VPS39: variants seen among roughly 807,000 people sequenced by gnomAD.
VPS39 encodes the protein VPS39 subunit of HOPS complex, also known as vam6/Vps39-like protein.
Under a neutral mutation model 121.0 loss-of-function variants are expected in VPS39, and 70 were observed. The ratio of observed to expected loss-of-function variants is 0.58; its 90% CI spans 0.48 to 0.71. VPS39 has a LOEUF of 0.71. Among genes scored for constraint, VPS39 ranks in the 30% least tolerant of loss-of-function variants. The pLI, the probability that VPS39 is intolerant of heterozygous loss-of-function variation, is 0.00. For synonymous variants in VPS39, 378 were observed against 398.1 expected (o/e 0.95, Z 0.60); for missense variants, 818 against 1,051.5 (o/e 0.78, Z 3.07).
chr15:42,187,224 C>A, intron 7 of VPS39, 47 bp downstream of exon 7: 1 of 1,487,922 alleles, frequency 6.7e-7, no homozygotes, highest in African/African-American at 1.4e-5. Context: ...AGATAATCAT[C>A]TTCCCCAAGA....
chr15:42,187,381 G>C lies in VPS39; in HGVS notation c.442-18C>G, dbSNP rs1290507008. On this transcript the variant is annotated intron_variant, in intron 6 of 24. Coordinates refer to ENST00000318006, the MANE Select transcript of VPS39 (RefSeq NM_015289.5). ...AAGTCCCCCTGAAAAAAGAGAGCAA[G>C]GATCTGAATGAAATAAATATTTTTT... 2 of 1,573,920 alleles carry C rather than the reference G, an allele frequency of 1.3e-6. No homozygotes were observed. The highest frequency in any genetic ancestry group is 2.8e-5 in the African/African-American group (2 of 72,488).
chr15:42,192,665 T>C (rs879906820), intron 2 of VPS39, among the ~76,000 whole-genome samples: 2 of 152,160 alleles, frequency 1.3e-5, no homozygotes, highest in Non-Finnish European at 2.9e-5. Flanking sequence ...GAGTGTGCCC[T>C]GGTATTCTGC....
At chr15:42,177,112 A>G (rs1250440308) in intron 10 of VPS39, among the ~76,000 whole-genome samples, 2 of 149,564 alleles carry the variant, frequency 1.3e-5, no homozygotes, top group Non-Finnish European at 3.0e-5. Context: ...GCAGTGAGCC[A>G]AGACTGCATC....
At chr15:42,199,841 T>C in intron 2 of VPS39, 55 bp downstream of exon 2, 1 of 1,529,100 alleles carries the variant, frequency 6.5e-7, no homozygotes, top group Non-Finnish European at 8.8e-7. Context: ...ATTTCACAGT[T>C]GTATACTAGC....
At chr15:42,173,692 T>C in intron 11 of VPS39, 31 bp downstream of exon 11, 5 of 1,607,072 alleles carry the variant, frequency 3.1e-6, no homozygotes, top group Non-Finnish European at 4.3e-6. Flanking sequence ...CCTCCATTAG[T>C]CCCTTATATA....
intron 2 of VPS39, among the ~76,000 whole-genome samples, chr15:42,197,075 C>T (rs2049955889): frequency 6.8e-6 from 1 of 146,696 alleles, no homozygotes; most frequent in African/African-American, 2.5e-5. Flanking sequence ...ATTGCAAGGA[C>T]AAAAAAACCA....
chr15:42,184,702 TA>T lies in VPS39; in HGVS notation c.535-3del. 6.2e-7 allele frequency: 1 copy of T among 1,607,768 alleles called. No homozygotes were observed. On this transcript the variant is annotated splice_region_variant and splice_polypyrimidine_tract_variant and intron_variant, in intron 7 of 24. Transcript: ENST00000318006. ...TTTGATGGACCCCTTTCCATCCACC[TA>T]TAGGAAGAAACAGAGTGAGTCACCT...
At chr15:42,205,489 G>GTGCT (rs1484680799) in intron 1 of VPS39, among the ~76,000 whole-genome samples, 1 of 152,226 alleles carries the variant, frequency 6.6e-6, no homozygotes, top group African/African-American at 2.4e-5. Flanking sequence ...AGGTGGGTAT[G>GTGCT]TGCTTTGTGC....
At chr15:42,166,449 T>C in intron 15 of VPS39, 114 bp downstream of exon 15, 1 of 1,271,250 alleles carries the variant, frequency 7.9e-7, no homozygotes, top group Non-Finnish European at 1.1e-6. Context: ...GGAATGAAAT[T>C]GAGTGAACAC....
Position 42,199,968 on chromosome 15 carries a change from A to G in VPS39, c.74-7T>C. The G allele has an allele frequency of 6.4e-7, 1 of 1,556,918 alleles. No individual in the cohort carries two copies. On this transcript the variant is annotated splice_polypyrimidine_tract_variant and splice_region_variant and intron_variant, in intron 1 of 24. Coordinates refer to ENST00000318006, the MANE Select transcript of VPS39 (RefSeq NM_015289.5). ...CCCACAAGAAGCCATTCCTCTGGAA[A>G]AACAAAACAAAACAAAAACAAAAAC...
chr15:42,164,313 A>T, intron 19 of VPS39, 45 bp downstream of exon 19: 1 of 1,611,478 alleles, frequency 6.2e-7, no homozygotes, highest in Non-Finnish European at 8.5e-7. Flanking sequence ...TAGTCTTTGC[A>T]TGACCTTCGC....
chr15:42,193,352 C>CA (rs1266926483), intron 2 of VPS39, among the ~76,000 whole-genome samples: 5 of 152,174 alleles, frequency 3.3e-5, no homozygotes, highest in Admixed American at 2.6e-4. Flanking sequence ...AAGTATATGA[C>CA]AAAAAATCTG....
chr15:42,178,676 T>A, intron 8 of VPS39, 106 bp from the exon 9 acceptor site: 1 of 1,479,168 alleles, frequency 6.8e-7, no homozygotes, highest in Non-Finnish European at 9.2e-7. Context: ...CTCCAAAAAG[T>A]CCCCTAGTCA....
chr15:42,207,741 A>AGT (rs1328377218), intron 1 of VPS39, among the ~76,000 whole-genome samples: 3 of 152,328 alleles, frequency 2.0e-5, no homozygotes, highest in African/African-American at 7.2e-5. Flanking sequence ...AGAACTTCTT[A>AGT]CTGCTTTGAC....
At chr15:42,170,741 A>AGTTTT (rs2049331195) in intron 11 of VPS39, among the ~76,000 whole-genome samples, 1 of 50,472 alleles carries the variant, frequency 2.0e-5, no homozygotes, top group African/African-American at 7.2e-5. Context: ...ATGCTCGCAG[A>AGTTTT]TTTTTTTTTT....
Position 42,208,189 on chromosome 15 carries a change from C to T in VPS39, c.-36G>A, listed in dbSNP as rs372239546. 1.6e-4 allele frequency: 241 copies of T among 1,554,768 alleles called. No homozygotes were observed. Among genetic ancestry groups the T allele is most frequent in the Admixed American group, 7.8e-5 (4 of 51,526 alleles). On this transcript the variant is annotated 5_prime_UTR_variant, in exon 1 of 25. Coordinates refer to ENST00000318006, the MANE Select transcript of VPS39 (RefSeq NM_015289.5). ...GGAGAGTTGCCACCGCCGTCTCGCC[C>T]AGAGTGTTCCGGGCCGGGCTGGGGT...
At chr15:42,178,727 G>T in intron 8 of VPS39, 157 bp from the exon 9 acceptor site, 1 of 1,029,386 alleles carries the variant, frequency 9.7e-7, no homozygotes, top group Non-Finnish European at 1.3e-6. Flanking sequence ...CAGAAAGAAA[G>T]AAAAAAAAAA....
Position 42,208,246 on chromosome 15 carries a change from G to C in VPS39, c.-93C>G. ...CGAGTCTGGGCTAAGGGTAGACCGG[G>C]ATCCGGCCAGGAACCCCCCGGCTAC... On this transcript the variant is annotated 5_prime_UTR_variant, in exon 1 of 25. In the 5' UTR this introduces an upstream ATG that the reference lacks. Coordinates refer to ENST00000318006, the MANE Select transcript of VPS39 (RefSeq NM_015289.5). 6.7e-7 allele frequency: 1 copy of C among 1,489,224 alleles called. No individual in the cohort carries two copies. Among genetic ancestry groups the C allele is most frequent in the Non-Finnish European group, 9.1e-7 (1 of 1,102,466 alleles). The allele number at this position is 1,489,224 out of a possible 1,614,324, so 92.3% of individuals were successfully genotyped here. A position where few individuals can be genotyped will look rare whatever the true frequency, so the allele number is the denominator to read the frequency against.
intron 8 of VPS39, among the ~76,000 whole-genome samples, chr15:42,181,482 A>G (rs901386523): frequency 6.6e-6 from 1 of 152,210 alleles, no homozygotes; most frequent in Admixed American, 6.5e-5. Context: ...TTGTACCACA[A>G]TGTTAACATA....
Sources: gnomAD v4.1 joint callset for allele counts (sites outside exome capture counted in the v4.1 genomes callset) on GRCh38, gnomAD v4.1.1 for gene constraint, MANE v1.5 for transcripts, NCBI Gene and HGNC (gene_info 2026-07-23, HGNC 2026-07-21) for gene names.